Variants in BCAR3 observed in about 807,000 individuals in gnomAD.
BCAR3 encodes breast cancer anti-estrogen resistance protein 3.
In BCAR3, 37 loss-of-function variants were observed where a neutral mutation model predicts 80.1. The ratio of observed to expected loss-of-function variants is 0.46; its 90% CI spans 0.36 to 0.61. The LOEUF (loss-of-function observed/expected upper bound fraction) is 0.61, where lower values mean the gene tolerates loss of function less well. Among genes scored for constraint, BCAR3 ranks in the 20% least tolerant of loss-of-function variants. BCAR3 has a pLI of 0.00. For synonymous variants in BCAR3, 389 were observed against 418.9 expected, an observed-to-expected ratio of 0.93 and a Z score of 0.87; for missense variants, 978 against 1,068.2, an observed-to-expected ratio of 0.92 and a Z score of 1.18.
intron 2 of BCAR3, among the ~76,000 whole-genome samples, chr1:93,769,952 C>T (rs1652296950): frequency 6.6e-6 from 1 of 152,024 alleles, no homozygotes; most frequent in South Asian, 2.1e-4. Flanking sequence ...TCAGATAAAA[C>T]CCTGACACCA....
At chr1:93,768,269 T>TTG (rs112490025) in intron 2 of BCAR3, among the ~76,000 whole-genome samples, 14,617 of 126,768 alleles carry the variant, frequency 0.12, 799 homozygotes, top group African/African-American at 0.18. Context: ...GTGTGTGTGT[T>TTG]TGTGTGTGTG....
upstream of BCAR3, among the ~76,000 whole-genome samples, chr1:93,684,693 T>C (rs979753875): frequency 6.6e-6 from 1 of 152,098 alleles, no homozygotes; most frequent in Non-Finnish European, 1.5e-5. Flanking sequence ...GCATAGCTAG[T>C]GAGAAGCAGA....
At chr1:93,624,771 G>A (rs1369639318) in intron 3 of BCAR3, among the ~76,000 whole-genome samples, 1 of 152,200 alleles carries the variant, frequency 6.6e-6, no homozygotes, top group African/African-American at 2.4e-5. Flanking sequence ...CAAGAAGGTA[G>A]GGGCCCTTCC....
chr1:93,827,730 G>GGGAGGAGGGAAA lies in BCAR3; in HGVS notation c.-63+17825_-63+17836dup, dbSNP rs1654419517. 4.6e-5 allele frequency among the ~76,000 whole-genome samples: 7 copies of GGGAGGAGGGAAA among 151,962 alleles called. No homozygotes were observed. In the South Asian group the frequency reaches 1.5e-3, roughly 32 times the overall value. ...GGGAGGGAAAGAGAGAGGAAGAGAA[G>GGGAGGAGGGAAA]GGAGGAGGGAAAGGAGGAGAGAAAG... On this transcript the variant is annotated intron_variant, in intron 2 of 13. Transcript: ENST00000370244.
chr1:93,669,017 AT>A (rs556937806), intron 2 of BCAR3, among the ~76,000 whole-genome samples: 2,256 of 148,984 alleles, frequency 0.015, 26 homozygotes, highest in Non-Finnish European at 0.023. Context: ...CCGGCCCAAG[AT>A]TTTTTTTTTT....
intron 2 of BCAR3, among the ~76,000 whole-genome samples, chr1:93,737,346 G>T (rs1459895587): frequency 2.0e-5 from 3 of 152,148 alleles, no homozygotes; most frequent in Non-Finnish European, 4.4e-5. Context: ...GGACATAGTG[G>T]ATTCGGGAGG....
At chr1:93,698,014 G>T (rs1649482666) in intron 3 of BCAR3, among the ~76,000 whole-genome samples, 1 of 152,176 alleles carries the variant, frequency 6.6e-6, no homozygotes. Flanking sequence ...AAAACAAAGA[G>T]AGGGCTAGAA....
intron 3 of BCAR3, among the ~76,000 whole-genome samples, chr1:93,696,984 CTG>C (rs1649432730): frequency 6.6e-6 from 1 of 152,342 alleles, no homozygotes; most frequent in African/African-American, 2.4e-5. Context: ...TACTCAGTGA[CTG>C]GGAGCTGGCG....
chr1:93,723,943 T>G (rs933838891), intron 2 of BCAR3, among the ~76,000 whole-genome samples: 20 of 152,176 alleles, frequency 1.3e-4, no homozygotes, highest in Admixed American at 6.5e-5. Flanking sequence ...TCGAATTCCA[T>G]TATGAAAGAG....
upstream of BCAR3, among the ~76,000 whole-genome samples, chr1:93,685,499 G>A (rs753077252): frequency 2.0e-5 from 3 of 152,120 alleles, no homozygotes; most frequent in Non-Finnish European, 4.4e-5. Context: ...TTAGTACAGA[G>A]GGACTCTCTT....
rs1250445805 is a variant in BCAR3, at chr1:93,748,524, C to T, written c.-62-42382G>A. On this transcript the variant is annotated intron_variant, in intron 2 of 13. Coordinates refer to the BCAR3 transcript ENST00000370244. ...ATTAATGCCATTCCAGACTGGACTT[C>T]GATCGGCCATATTCAATGATCTTGT... Among the ~76,000 whole-genome samples the T allele has an allele frequency of 3.9e-5, 6 of 152,200 alleles. 1 individual carries two copies. Among genetic ancestry groups the T allele is most frequent in the Middle Eastern group, 3.4e-3 (1 of 294 alleles).
Position 93,562,190 on chromosome 1 carries a change from A to T in BCAR3, c.*51T>A. The T allele has an allele frequency of 6.5e-7, 1 of 1,541,936 alleles. No individual in the cohort carries two copies. Among genetic ancestry groups the T allele is most frequent in the Non-Finnish European group, 8.8e-7 (1 of 1,133,940 alleles). ...TCAAAAACAGTAAGCTTTCCCAAAG[A>T]TGAAGCTGGGGAAACTTGAAAAGAT... On this transcript the variant is annotated 3_prime_UTR_variant, in exon 12 of 12. Transcript: ENST00000260502.
At chr1:93,674,315 G>C (rs1648359201) in intron 2 of BCAR3, among the ~76,000 whole-genome samples, 1 of 152,138 alleles carries the variant, frequency 6.6e-6, no homozygotes, top group Non-Finnish European at 1.5e-5. Context: ...GAGTGCAGTG[G>C]AGCGATCTTG....
At chr1:93,621,997 G>A (rs968321056) in intron 3 of BCAR3, among the ~76,000 whole-genome samples, 1 of 152,056 alleles carries the variant, frequency 6.6e-6, no homozygotes, top group Non-Finnish European at 1.5e-5. Flanking sequence ...TCAGCCTCCC[G>A]AGTAGCTGGG....
At chr1:93,645,944 GTTA>G (rs1465399488) in intron 2 of BCAR3, among the ~76,000 whole-genome samples, 17 of 151,896 alleles carry the variant, frequency 1.1e-4, no homozygotes, top group Non-Finnish European at 1.3e-4. Context: ...GATGCAACAT[GTTA>G]TTAAGAATTT....
chr1:93,714,066 T>C (rs1475744741), intron 2 of BCAR3, among the ~76,000 whole-genome samples: 1 of 152,160 alleles, frequency 6.6e-6, no homozygotes, highest in Non-Finnish European at 1.5e-5. Context: ...CACTGCAAGC[T>C]CCGCCTCCTG....
At chr1:93,746,257 G>T (rs2100702124) in intron 2 of BCAR3, among the ~76,000 whole-genome samples, 1 of 152,322 alleles carries the variant, frequency 6.6e-6, no homozygotes, top group South Asian at 2.1e-4. Flanking sequence ...ATATGGCTGG[G>T]TGCCAGTCCT....
At chr1:93,635,071 A>G (rs1292790145) in intron 3 of BCAR3, among the ~76,000 whole-genome samples, 2 of 152,066 alleles carry the variant, frequency 1.3e-5, no homozygotes, top group Non-Finnish European at 2.9e-5. Flanking sequence ...CAAAAAATAA[A>G]CAAGTTAGCT....
intron 3 of BCAR3, among the ~76,000 whole-genome samples, chr1:93,636,783 G>C (rs370319907): frequency 6.6e-6 from 1 of 152,104 alleles, no homozygotes; most frequent in African/African-American, 2.4e-5. Context: ...CTGTAGGGCT[G>C]GTGTGTGAAG....
Sources: allele counts gnomAD v4.1 joint callset (sites outside exome capture counted in the v4.1 genomes callset), GRCh38; gene constraint gnomAD v4.1.1; transcripts MANE v1.5; gene names NCBI Gene and HGNC (gene_info 2026-07-23, HGNC 2026-07-21).